The following SORCS3 variants were observed in gnomAD, a reference collection of about 807,000 sequenced individuals.
SORCS3 encodes VPS10 domain-containing receptor SorCS3.
SORCS3 carries 57 observed loss-of-function variants against 146.3 expected under a neutral mutation model. That is an observed-to-expected ratio of 0.39 (90% CI 0.31 to 0.49). SORCS3 has a LOEUF of 0.49. Ranked by LOEUF, SORCS3 falls within the 20% of genes least tolerant of loss-of-function variation. The probability of loss-of-function intolerance (pLI) is 0.92; values close to 1 mark genes in which losing one functional copy is unlikely to be tolerated. For synonymous variants in SORCS3, 653 were observed against 618.5 expected (o/e 1.06, Z -0.83); for missense variants, 1,341 against 1,575.5 (o/e 0.85, Z 2.52).
intron 3 of SORCS3, among the ~76,000 whole-genome samples, chr10:104,931,141 C>T (rs1415255186): frequency 6.6e-6 from 1 of 152,096 alleles, no homozygotes; most frequent in Non-Finnish European, 1.5e-5. Context: ...CTTTAAAGCT[C>T]TCATTAAATT....
chr10:104,754,528 T>G (rs886542733), intron 1 of SORCS3, among the ~76,000 whole-genome samples: 10 of 152,104 alleles, frequency 6.6e-5, no homozygotes, highest in African/African-American at 2.2e-4. Context: ...GGGGAAAAAC[T>G]TTACCCCCCT....
intron 8 of SORCS3, among the ~76,000 whole-genome samples, chr10:105,142,010 T>C (rs1182277945): frequency 1.3e-5 from 2 of 152,188 alleles, no homozygotes; most frequent in East Asian, 1.9e-4. Flanking sequence ...GGGGTAATAA[T>C]ACTGAGGCTC....
At chr10:105,154,928 A>G (rs1458123261) in intron 9 of SORCS3, among the ~76,000 whole-genome samples, 1 of 152,206 alleles carries the variant, frequency 6.6e-6, no homozygotes, top group Non-Finnish European at 1.5e-5. Flanking sequence ...AAGCCAAAAA[A>G]GTGATTCAGT....
chr10:105,036,571 CTCTTG>C (rs2055307917), intron 4 of SORCS3, among the ~76,000 whole-genome samples: 1 of 152,158 alleles, frequency 6.6e-6, no homozygotes, highest in South Asian at 2.1e-4. Context: ...GAGATGGAAG[CTCTTG>C]TCTGGGTACC....
At chr10:104,980,757 T>C (rs1410857135) in intron 4 of SORCS3, among the ~76,000 whole-genome samples, 1 of 152,202 alleles carries the variant, frequency 6.6e-6, no homozygotes, top group African/African-American at 2.4e-5. Context: ...AATGATATTT[T>C]AAAAGGACAG....
intron 2 of SORCS3, among the ~76,000 whole-genome samples, chr10:104,870,331 C>T (rs1378968571): frequency 6.6e-6 from 1 of 152,160 alleles, no homozygotes; most frequent in Non-Finnish European, 1.5e-5. Flanking sequence ...AGTAGAGAGT[C>T]ATTCATTCAT....
chr10:104,958,848 TGGC>T (rs1369568031), intron 3 of SORCS3, among the ~76,000 whole-genome samples: 1 of 152,106 alleles, frequency 6.6e-6, no homozygotes, highest in Non-Finnish European at 1.5e-5. Flanking sequence ...TCTTACATGG[TGGC>T]AGAAGAGAGA....
intron 5 of SORCS3, among the ~76,000 whole-genome samples, chr10:105,078,445 C>T (rs1321979236): frequency 2.0e-5 from 3 of 151,950 alleles, no homozygotes; most frequent in Non-Finnish European, 4.4e-5. Flanking sequence ...AATCCAGGCT[C>T]CATCTCTCTT....
chr10:105,259,827 A>G (rs919935496), intron 25 of SORCS3, among the ~76,000 whole-genome samples: 2 of 152,172 alleles, frequency 1.3e-5, no homozygotes, highest in African/African-American at 4.8e-5. Context: ...ATAAATAGAT[A>G]CAAACTGCAG....
intron 14 of SORCS3, among the ~76,000 whole-genome samples, chr10:105,188,949 C>T (rs149532365): frequency 2.9e-4 from 44 of 152,188 alleles, no homozygotes; most frequent in East Asian, 1.4e-3. Context: ...TATGACTCAC[C>T]GGAATCCACA....
At chr10:105,182,230 C>CTTGTTTTTTTTTTTTTTTTTT (rs2056446749) in intron 14 of SORCS3, among the ~76,000 whole-genome samples, 1 of 70,486 alleles carries the variant, frequency 1.4e-5, no homozygotes, top group Non-Finnish European at 2.7e-5. Context: ...TATTCAGCAT[C>CTTGTTTTTTTTTTTTTTTTTT]TTTTTTTTTT....
chr10:104,963,017 A>G (rs563779313), intron 3 of SORCS3, among the ~76,000 whole-genome samples: 1 of 152,200 alleles, frequency 6.6e-6, no homozygotes, highest in Admixed American at 6.5e-5. Flanking sequence ...ATTCATTTTA[A>G]TGGCTGCATA....
chr10:104,819,838 A>C (rs2017852353), intron 1 of SORCS3, among the ~76,000 whole-genome samples: 1 of 152,138 alleles, frequency 6.6e-6, no homozygotes, highest in Non-Finnish European at 1.5e-5. Context: ...AGGTTTTAGG[A>C]GGGTGGAGAG....
chr10:105,230,005 T>A (rs2056757608), intron 20 of SORCS3, among the ~76,000 whole-genome samples: 1 of 152,194 alleles, frequency 6.6e-6, no homozygotes, highest in Non-Finnish European at 1.5e-5. Context: ...GTTAGTGGTT[T>A]AGTCTTCATA....
intron 1 of SORCS3, among the ~76,000 whole-genome samples, chr10:104,784,391 A>G (rs765689728): frequency 3.3e-5 from 5 of 152,240 alleles, no homozygotes; most frequent in Non-Finnish European, 7.3e-5. Context: ...TCAAATGTCA[A>G]TAGTGCCAAG....
intron 1 of SORCS3, among the ~76,000 whole-genome samples, chr10:104,822,271 C>T (rs1490182): frequency 0.82 from 124,384 of 152,186 alleles, 50,997 homozygotes; most frequent in African/African-American, 0.89. Context: ...GAAGGACTGC[C>T]GTGTCCCTTT....
intron 4 of SORCS3, among the ~76,000 whole-genome samples, chr10:105,014,550 C>A (rs790651): frequency 0.045 from 6,866 of 152,188 alleles, 206 homozygotes; most frequent in East Asian, 0.16. Flanking sequence ...GGATAAGTAT[C>A]TATTTTGTAT....
chr10:104,928,670 G>A (rs995282817), intron 3 of SORCS3, among the ~76,000 whole-genome samples: 1 of 152,090 alleles, frequency 6.6e-6, no homozygotes, highest in Non-Finnish European at 1.5e-5. Context: ...GAGCGTGTCT[G>A]GGCAATGAGG....
At chr10:104,922,848 C>A (rs575826521) in intron 3 of SORCS3, among the ~76,000 whole-genome samples, 1 of 152,276 alleles carries the variant, frequency 6.6e-6, no homozygotes, top group East Asian at 1.9e-4. Flanking sequence ...GAGAACACTT[C>A]GTAGACTCTC....
Sources: gnomAD v4.1 joint callset for allele counts (sites outside exome capture counted in the v4.1 genomes callset) on GRCh38, gnomAD v4.1.1 for gene constraint, MANE v1.5 for transcripts, NCBI Gene and HGNC (gene_info 2026-07-23, HGNC 2026-07-21) for gene names.